Variants in MDGA2 observed in about 807,000 individuals in gnomAD.
MDGA2 encodes the protein MAM domain containing glycosylphosphatidylinositol anchor 2, also known as MAM domain-containing glycosylphosphatidylinositol anchor protein 2.
MDGA2 carries 40 observed loss-of-function variants against 117.8 expected under a neutral mutation model. That is an observed-to-expected ratio of 0.34 (90% CI 0.26 to 0.44). MDGA2 has a LOEUF of 0.44. Ranked by LOEUF, MDGA2 falls within the 20% of genes least tolerant of loss-of-function variation. The pLI is 1.00. For missense variants in MDGA2, 1,123 were observed against 1,250.6 expected (o/e 0.90, Z 1.54); for synonymous variants, 452 against 439.0 (o/e 1.03, Z -0.37).
intron 1 of MDGA2, among the ~76,000 whole-genome samples, chr14:47,650,445 A>T (rs1303983619): frequency 6.6e-6 from 1 of 152,188 alleles, no homozygotes; most frequent in Non-Finnish European, 1.5e-5. Flanking sequence ...GCCTGTGTGG[A>T]GTGTGCAGGT....
At chr14:46,893,168 A>G (rs192160753) in intron 10 of MDGA2, among the ~76,000 whole-genome samples, 1 of 152,142 alleles carries the variant, frequency 6.6e-6, no homozygotes, top group East Asian at 1.9e-4. Context: ...CCCAGCTTTA[A>G]AAAAACAAGG....
intron 15 of MDGA2, among the ~76,000 whole-genome samples, chr14:46,850,414 T>C (rs1881012599): frequency 6.6e-6 from 1 of 151,840 alleles, no homozygotes; most frequent in Admixed American, 6.6e-5. Context: ...CCTTCATTGT[T>C]AATGGTGACT....
At chr14:46,918,966 G>T (rs1216599309) in intron 10 of MDGA2, among the ~76,000 whole-genome samples, 1 of 151,944 alleles carries the variant, frequency 6.6e-6, no homozygotes, top group Non-Finnish European at 1.5e-5. Flanking sequence ...GTTTCACCGT[G>T]TTAGCCAGGA....
intron 2 of MDGA2, among the ~76,000 whole-genome samples, chr14:47,273,261 C>T (rs981655523): frequency 7.2e-5 from 11 of 151,984 alleles, no homozygotes; most frequent in Admixed American, 3.3e-4. Context: ...CTTCAAAATT[C>T]GTGTCAAATT....
chr14:47,013,692 CTT>C (rs1245684071), intron 8 of MDGA2, among the ~76,000 whole-genome samples: 1 of 148,508 alleles, frequency 6.7e-6, no homozygotes, highest in Non-Finnish European at 1.5e-5. Context: ...AATAATAAGA[CTT>C]AAAGTCAAAA....
At chr14:47,531,893 C>T (rs1895109162) in intron 1 of MDGA2, among the ~76,000 whole-genome samples, 1 of 152,102 alleles carries the variant, frequency 6.6e-6, no homozygotes, top group African/African-American at 2.4e-5. Flanking sequence ...TCTATAAAAT[C>T]AAGGGAGAAA....
intron 1 of MDGA2, among the ~76,000 whole-genome samples, chr14:47,571,710 CA>C (rs1216380459): frequency 6.9e-6 from 1 of 144,118 alleles, no homozygotes; most frequent in Non-Finnish European, 1.5e-5. Flanking sequence ...TCAATGAGAA[CA>C]CATGGACATA....
At chr14:47,168,508 G>C (rs889223659) in intron 3 of MDGA2, among the ~76,000 whole-genome samples, 1 of 151,720 alleles carries the variant, frequency 6.6e-6, no homozygotes, top group Non-Finnish European at 1.5e-5. Flanking sequence ...TCTTTTGCTC[G>C]AGTTCTTTTC....
rs189261687 is a variant in MDGA2, at chr14:47,381,760, C to A, written c.281-80210G>T. Among the ~76,000 whole-genome samples, 380 of 152,254 alleles carry A rather than the reference C, an allele frequency of 2.5e-3. 3 individuals are homozygous for A. The highest frequency in any genetic ancestry group is 8.7e-3 in the African/African-American group (363 of 41,550). On this transcript the variant is annotated intron_variant, in intron 1 of 16. Transcript: ENST00000399232. ...TTCCATGCTCATGGGTACGAAGAAT[C>A]AACATTGTGAAAATGGCCATACTGC...
At chr14:47,173,592 C>A (rs1884285832) in intron 3 of MDGA2, among the ~76,000 whole-genome samples, 1 of 152,080 alleles carries the variant, frequency 6.6e-6, no homozygotes, top group African/African-American at 2.4e-5. Context: ...TACAGACAAG[C>A]AAATGCTGAC....
intron 1 of MDGA2, among the ~76,000 whole-genome samples, chr14:47,603,866 C>T (rs1478562671): frequency 2.0e-5 from 3 of 152,104 alleles, no homozygotes; most frequent in Non-Finnish European, 4.4e-5. Flanking sequence ...TGTGAGTTCA[C>T]GCAAGATCTG....
intron 3 of MDGA2, among the ~76,000 whole-genome samples, chr14:47,180,569 GA>G (rs1884659967): frequency 6.6e-6 from 1 of 151,930 alleles, no homozygotes; most frequent in Non-Finnish European, 1.5e-5. Context: ...GAAAGCACAC[GA>G]AAAAAAGCTC....
At chr14:47,475,744 T>C (rs1380720413) in intron 1 of MDGA2, among the ~76,000 whole-genome samples, 1 of 152,222 alleles carries the variant, frequency 6.6e-6, no homozygotes, top group Non-Finnish European at 1.5e-5. Flanking sequence ...AAACACTGCA[T>C]GTTCTCACTT....
chr14:47,128,011 C>G (rs1881990106), intron 5 of MDGA2, among the ~76,000 whole-genome samples: 1 of 152,142 alleles, frequency 6.6e-6, no homozygotes, highest in South Asian at 2.1e-4. Flanking sequence ...TTTAGAATAA[C>G]TCTTCAAACA....
intron 8 of MDGA2, among the ~76,000 whole-genome samples, chr14:47,008,896 C>A (rs1174183503): frequency 6.6e-6 from 1 of 151,668 alleles, no homozygotes; most frequent in Non-Finnish European, 1.5e-5. Flanking sequence ...TTTATTTCTC[C>A]CTGAGCACAT....
At chr14:47,468,662 G>GT (rs5808401) in intron 1 of MDGA2, among the ~76,000 whole-genome samples, 78 of 150,884 alleles carry the variant, frequency 5.2e-4, no homozygotes, top group African/African-American at 1.1e-3. Context: ...TTCTTATGGT[G>GT]TTTTTTTTTT....
intron 8 of MDGA2, among the ~76,000 whole-genome samples, chr14:47,008,039 T>G (rs765858589): frequency 4.0e-5 from 6 of 151,848 alleles, no homozygotes; most frequent in Non-Finnish European, 8.8e-5. Context: ...AATTCTACTT[T>G]TGAGTTTACT....
At chr14:47,128,670 AT>A (rs1882027793) in intron 5 of MDGA2, among the ~76,000 whole-genome samples, 1 of 141,284 alleles carries the variant, frequency 7.1e-6, no homozygotes, top group Non-Finnish European at 1.6e-5. Flanking sequence ...TTATATTTCT[AT>A]TTTTTTCTGC....
rs1220123595 is a variant in MDGA2 at position 46,957,614 on chromosome 14, C to T, written c.1849G>A (p.Glu617Lys). Residue 617 changes from glutamate to lysine, a missense_variant, in exon 9 of 17, where the codon GAA becomes AAA. Physicochemically the swap from Glu to Lys is moderately conservative, Grantham distance 56 (BLOSUM62 1). Around this residue, in one of 2 missense-constraint regions of MDGA2, gnomAD observed 890 missense variants for 1,050.3 expected, o/e 0.85. Transcript: ENST00000399232. ...YPPAVEPAFL[E>K]IRQGQDRSVT... ...CTTCGATCCTGTCCTTGCCGGATTT[C>T]CAAGAATGCTGGTTCCACTGCAGGG... 2 of 1,614,046 alleles carry T rather than the reference C, an allele frequency of 1.2e-6. No individual in the cohort carries two copies. The highest frequency in any genetic ancestry group is 1.1e-5 in the South Asian group (1 of 91,072).
Sources: allele counts gnomAD v4.1 joint callset (sites outside exome capture counted in the v4.1 genomes callset), GRCh38; gene constraint gnomAD v4.1.1; regional missense constraint gnomAD v4.1.1; transcripts MANE v1.5; gene names NCBI Gene and HGNC (gene_info 2026-07-23, HGNC 2026-07-21).